Variants in HECTD2 observed in about 807,000 individuals in gnomAD.
The protein encoded by HECTD2 is probable E3 ubiquitin-protein ligase HECTD2.
HECTD2 carries 35 observed loss-of-function variants against 103.2 expected under a neutral mutation model. That is an observed-to-expected ratio of 0.34 (90% CI 0.26 to 0.45). The LOEUF (loss-of-function observed/expected upper bound fraction) is 0.45. HECTD2 is among the 20% of genes least tolerant of loss of function. HECTD2 has a pLI of 1.00. For synonymous variants in HECTD2, 281 were observed against 329.9 expected (o/e 0.85, Z 1.61); for missense variants, 596 against 937.4 (o/e 0.64, Z 4.76).
At chr10:91,507,927 T>C (rs566993852) in intron 20 of HECTD2, among the ~76,000 whole-genome samples, 1,838 of 137,838 alleles carry the variant, frequency 0.013, 18 homozygotes, top group Non-Finnish European at 0.019. Context: ...AACAGAGATA[T>C]AGATCAGTGG....
chr10:91,498,806 A>G, intron 16 of HECTD2, 66 bp from the exon 17 acceptor site: 1 of 972,616 alleles, frequency 1.0e-6, no homozygotes. Flanking sequence ...AAATTTTACA[A>G]ACCTGTTCAC....
intron 2 of HECTD2, among the ~76,000 whole-genome samples, chr10:91,449,172 A>C (rs1166685473): frequency 1.3e-5 from 2 of 152,082 alleles, no homozygotes; most frequent in African/African-American, 4.8e-5. Context: ...CAAAAAGCTC[A>C]TCTACCACGT....
chr10:91,445,734 G>A (rs935601140), intron 2 of HECTD2, among the ~76,000 whole-genome samples: 1 of 152,114 alleles, frequency 6.6e-6, no homozygotes, highest in Non-Finnish European at 1.5e-5. Flanking sequence ...ACTGTGGGGG[G>A]CAAGCTGAAG....
At chr10:91,464,601 G>T (rs1454919226) in intron 5 of HECTD2, 2 of 155,778 alleles carry the variant, frequency 1.3e-5, no homozygotes, top group South Asian at 1.9e-4. Context: ...TTAAACTAAA[G>T]GTCAATGTAG....
chr10:91,504,205 T>A (rs1376073920), intron 20 of HECTD2, among the ~76,000 whole-genome samples: 3 of 152,116 alleles, frequency 2.0e-5, no homozygotes, highest in Non-Finnish European at 2.9e-5. Context: ...CTGGAAACTC[T>A]AAAAATCAGA....
At chr10:91,498,585 C>G (rs944752352) in intron 16 of HECTD2, among the ~76,000 whole-genome samples, 3 of 152,178 alleles carry the variant, frequency 2.0e-5, no homozygotes, top group Non-Finnish European at 4.4e-5. Flanking sequence ...ATCTGCAGAG[C>G]TCCAGGGACC....
intron 20 of HECTD2, among the ~76,000 whole-genome samples, chr10:91,502,529 A>G (rs1279827591): frequency 6.6e-6 from 1 of 152,208 alleles, no homozygotes; most frequent in Non-Finnish European, 1.5e-5. Context: ...GTAATCACAC[A>G]TGGTAAGTGC....
At chr10:91,409,531 G>C (rs1388016540), upstream of HECTD2, 1 of 152,958 alleles carries the variant, frequency 6.5e-6, no homozygotes, top group African/African-American at 2.4e-5. Context: ...CGGGAAGGGA[G>C]AGGCGGATTT....
chr10:91,488,275 T>C (rs1846337413), intron 11 of HECTD2: 1 of 153,134 alleles, frequency 6.5e-6, no homozygotes, highest in Non-Finnish European at 1.5e-5. Flanking sequence ...TTATTGGTTC[T>C]TAGGAAACCA....
Position 91,493,403 on chromosome 10 carries a change from T to G in HECTD2, c.1433-17T>G. 1.4e-6 allele frequency: 2 copies of G among 1,399,922 alleles called. No individual in the cohort carries two copies. The highest frequency in any genetic ancestry group is 1.9e-6 in the Non-Finnish European group (2 of 1,034,158). The allele number at this position is 1,399,922 out of a possible 1,614,324, so 86.7% of individuals were successfully genotyped here. A position where few individuals can be genotyped will look rare whatever the true frequency, so the allele number is the denominator to read the frequency against. On this transcript the variant is annotated splice_polypyrimidine_tract_variant and intron_variant, in intron 13 of 20. Coordinates refer to ENST00000298068, the MANE Select transcript of HECTD2 (RefSeq NM_182765.6). ...GTCAATCATGTTAATAATAACATTA[T>G]TCGTGTGTTTTTTTAGGCATGTTTA...
intron 2 of HECTD2, among the ~76,000 whole-genome samples, chr10:91,436,130 C>G (rs1426207244): frequency 2.6e-5 from 4 of 151,768 alleles, no homozygotes; most frequent in Non-Finnish European, 5.9e-5. Context: ...GTGTCTGATT[C>G]TTCCACGTTG....
At chr10:91,445,924 C>G (rs1003897643) in intron 2 of HECTD2, among the ~76,000 whole-genome samples, 1 of 152,078 alleles carries the variant, frequency 6.6e-6, no homozygotes, top group Admixed American at 6.6e-5. Context: ...CCTATGCCAC[C>G]AGGGCCCTGG....
chr10:91,488,045 T>G (rs1260482432), intron 11 of HECTD2: 1 of 226,992 alleles, frequency 4.4e-6, no homozygotes, highest in African/African-American at 2.3e-5. Flanking sequence ...TACTGAGAGC[T>G]TGTTGGACCT....
chr10:91,468,853 T>G (rs1845621338), intron 5 of HECTD2, among the ~76,000 whole-genome samples: 1 of 151,278 alleles, frequency 6.6e-6, no homozygotes, highest in Non-Finnish European at 1.5e-5. Context: ...GGAGGATCAC[T>G]TGAGCCCAGG....
intron 1 of HECTD2, among the ~76,000 whole-genome samples, chr10:91,417,380 T>C (rs1843170213): frequency 6.6e-6 from 1 of 152,330 alleles, no homozygotes; most frequent in Non-Finnish European, 1.5e-5. Context: ...TTTTCTTTTT[T>C]TTTATTACAC....
At chr10:91,504,865 G>T (rs900360798) in intron 20 of HECTD2, among the ~76,000 whole-genome samples, 4 of 152,018 alleles carry the variant, frequency 2.6e-5, no homozygotes. Flanking sequence ...AAATGTTAAG[G>T]GCAGCCAGAG....
Position 91,498,187 on chromosome 10 carries a change from T to C in HECTD2, c.1755+5T>C, listed in dbSNP as rs751452107. 3 of 1,582,836 alleles carry C rather than the reference T, an allele frequency of 1.9e-6. No homozygotes were observed. In the South Asian group the frequency reaches 3.3e-5, roughly 18 times the overall value. Reference sequence around the variant, plus strand: ...GATTTCTATTCAACATTTCAGGTACTATTAAGGGCAAGTAGTTATCTGTTA... The same window carrying C: ...GATTTCTATTCAACATTTCAGGTACCATTAAGGGCAAGTAGTTATCTGTTA... On this transcript the variant is annotated splice_donor_5th_base_variant and intron_variant, in intron 16 of 20. Coordinates refer to ENST00000298068, the MANE Select transcript of HECTD2 (RefSeq NM_182765.6).
chr10:91,489,800 T>G (rs1320562528), intron 11 of HECTD2: 1 of 152,210 alleles, frequency 6.6e-6, no homozygotes, highest in Non-Finnish European at 1.5e-5. Context: ...TTTATTATAG[T>G]AATCTTCAAA....
At chr10:91,476,237 G>T (rs1845896830) in intron 5 of HECTD2, among the ~76,000 whole-genome samples, 1 of 152,180 alleles carries the variant, frequency 6.6e-6, no homozygotes, top group Non-Finnish European at 1.5e-5. Flanking sequence ...CAAATGAAGG[G>T]ATTGACCTTG....
Sources: allele counts gnomAD v4.1 joint callset (sites outside exome capture counted in the v4.1 genomes callset), GRCh38; gene constraint gnomAD v4.1.1; transcripts MANE v1.5; gene names NCBI Gene and HGNC (gene_info 2026-07-23, HGNC 2026-07-21).